The following VPS4A variants were observed in gnomAD, a reference collection of about 807,000 sequenced individuals.
The protein encoded by VPS4A is vacuolar protein sorting-associated protein 4A.
In VPS4A, 20 loss-of-function variants were observed where a neutral mutation model predicts 52.3. That is an observed-to-expected ratio of 0.38 (90% CI 0.27 to 0.56). The LOEUF is 0.56. VPS4A is among the 20% of genes least tolerant of loss of function. The probability of loss-of-function intolerance (pLI) is 0.72; values close to 1 mark genes in which losing one functional copy is unlikely to be tolerated. For synonymous variants in VPS4A, 293 were observed against 227.7 expected (o/e 1.29, Z -2.58); for missense variants, 419 against 575.9 (o/e 0.73, Z 2.79).
chr16:69,323,942 T>TC (rs754513053), intron 10 of VPS4A, among the ~76,000 whole-genome samples: 2 of 50,850 alleles, frequency 3.9e-5, no homozygotes, highest in Non-Finnish European at 7.2e-5. Context: ...AGACTCCGTC[T>TC]CCAAAAAAAA....
chr16:69,324,067 C>A, intron 10 of VPS4A, 141 bp from the exon 11 acceptor site: 1 of 732,156 alleles, frequency 1.4e-6, no homozygotes, highest in Non-Finnish European at 2.2e-6. Flanking sequence ...GGGTCCCTGC[C>A]ATAGGCAGAT....
chr16:69,318,560 G>A, intron 3 of VPS4A, 90 bp from the exon 4 acceptor site: 3 of 1,407,478 alleles, frequency 2.1e-6, no homozygotes, highest in South Asian at 2.5e-5. Flanking sequence ...TCCTTAACCA[G>A]TGTGCAGGCA....
intron 1 of VPS4A, among the ~76,000 whole-genome samples, chr16:69,312,692 A>G (rs757430753): frequency 1.3e-5 from 2 of 151,874 alleles, no homozygotes; most frequent in Non-Finnish European, 2.9e-5. Flanking sequence ...GGCTCACTGC[A>G]GCCTCTGCCT....
At position 69,318,912 on chromosome 16, in the gene VPS4A, T is replaced by C. The variant is rs1176017620; in HGVS notation, c.433T>C (p.Leu145=). 6.2e-7 allele frequency: 1 copy of C among 1,613,580 alleles called. No homozygotes were observed. The highest frequency in any genetic ancestry group is 1.3e-5 in the African/African-American group (1 of 74,904). Residue 145 remains leucine, a synonymous_variant, in exon 5 of 11, where the codon TTG becomes CTG. Transcript: ENST00000254950. ...GGAGGCCCTCAAAGAAGCTGTCATT[T>C]TGCCAATCAAATTCCCACACTTGTT... The part of the protein sequence containing the change: ...AKEALKEAVI[L]PIKFPHLFTG...
Position 69,319,562 on chromosome 16 carries a change from C to T in VPS4A, c.620+19C>T. 6.2e-7 allele frequency: 1 copy of T among 1,602,868 alleles called. No homozygotes were observed. Among genetic ancestry groups the T allele is most frequent in the Middle Eastern group, 1.7e-4 (1 of 6,044 alleles). On this transcript the variant is annotated intron_variant, in intron 6 of 10. Coordinates refer to ENST00000254950, the MANE Select transcript of VPS4A (RefSeq NM_013245.3). ...GTGAAAAGTAAGTCGGCCACCAGGC[C>T]ATGCTCTGCCAGCAGCCCCGGCACT... is the stretch of plus-strand genomic sequence containing the variant.
intron 1 of VPS4A, among the ~76,000 whole-genome samples, chr16:69,312,753 C>T (rs1479053951): frequency 6.6e-6 from 1 of 151,896 alleles, no homozygotes; most frequent in Non-Finnish European, 1.5e-5. Flanking sequence ...GCTGGGATTA[C>T]GGGCACCCGC....
Position 69,326,568 on chromosome 16 carries a change from C to A in VPS4A, c.*2259C>A, listed in dbSNP as rs1400409315. The A allele has an allele frequency of 6.6e-6, 1 of 152,238 alleles. No individual in the cohort carries two copies. The highest frequency in any genetic ancestry group is 1.5e-5 in the Non-Finnish European group (1 of 68,052). The allele number at this position is 152,238 out of a possible 1,614,324, so 9.4% of individuals were successfully genotyped here. A position where few individuals can be genotyped will look rare whatever the true frequency, so the allele number is the denominator to read the frequency against. On this transcript the variant is annotated 3_prime_UTR_variant, in exon 11 of 11. Transcript: ENST00000254950. ...AGCATGGCTATGGTCCATCCCTGTG[C>A]TCTAGTTAGAGCGTGAAGACACCTG...
chr16:69,319,310 A>G (rs1965480887), intron 5 of VPS4A, 77 bp from the exon 6 acceptor site: 3 of 1,574,412 alleles, frequency 1.9e-6, no homozygotes, highest in Admixed American at 1.8e-5. Flanking sequence ...TACTGTATGT[A>G]TGGGACTCGA....
At chr16:69,318,599 C>T in intron 3 of VPS4A, 51 bp from the exon 4 acceptor site, 1 of 1,563,058 alleles carries the variant, frequency 6.4e-7, no homozygotes, top group Non-Finnish European at 8.7e-7. Flanking sequence ...GGGAGCACCT[C>T]TGTGCTCCAG....
chr16:69,315,984 G>A, intron 1 of VPS4A, 24 bp from the exon 2 acceptor site: 1 of 1,607,618 alleles, frequency 6.2e-7, no homozygotes, highest in Non-Finnish European at 8.5e-7. Context: ...AGGAAGCACT[G>A]AGCCATTTGC....
Position 69,318,643 on chromosome 16 carries a change from T to G in VPS4A, c.282-7T>G. 2 of 1,605,310 alleles carry G rather than the reference T, an allele frequency of 1.2e-6. No individual in the cohort carries two copies. Among genetic ancestry groups the G allele is most frequent in the Non-Finnish European group, 1.7e-6 (2 of 1,175,824 alleles). ...GCCAGCTTGTGACTTTCCGTCTCCC[T>G]TCCCAGCAGTGACAGTGACAGTGAA... On this transcript the variant is annotated splice_region_variant and splice_polypyrimidine_tract_variant and intron_variant, in intron 3 of 10. Transcript: ENST00000254950.
intron 1 of VPS4A, 113 bp from the exon 2 acceptor site, chr16:69,315,895 A>G (rs1265288992): frequency 2.3e-6 from 2 of 860,550 alleles, no homozygotes; most frequent in Non-Finnish European, 3.6e-6. Context: ...CCCGCAAGCA[A>G]TAAATCCACA....
rs558457537 is a variant in VPS4A, at chr16:69,318,338, G to C, written c.282-312G>C. ...AGGTGTGAGTCACCGCACCTGGCCT[G>C]GGCTGCTCTTTAAGTCCAGCTGAAG... On this transcript the variant is annotated intron_variant, in intron 3 of 10. Transcript: ENST00000254950. Among the ~76,000 whole-genome samples the C allele has an allele frequency of 5.3e-5, 8 of 152,298 alleles. No homozygotes were observed. The South Asian group carries it at 1.2e-3, about 24-fold the overall frequency.
rs62055857 is a variant in VPS4A at position 69,320,882 on chromosome 16, C to T, written c.851+113C>T. ...TGGCCCCTTTTCCCTGGAGTCTTCC[C>T]GTCTGCCTGCCAAGCAGAGCCCTTT... On this transcript the variant is annotated intron_variant, in intron 8 of 10. Coordinates refer to ENST00000254950, the MANE Select transcript of VPS4A (RefSeq NM_013245.3). The surrounding 1 kb of genome is among the most constrained non-coding windows in gnomAD (Gnocchi z 4.2). 6.8e-5 allele frequency: 86 copies of T among 1,265,862 alleles called. No homozygotes were observed. The highest frequency in any genetic ancestry group is 8.9e-5 in the Non-Finnish European group (80 of 902,358). The allele number at this position is 1,265,862 out of a possible 1,614,324, so 78.4% of individuals were successfully genotyped here.
At chr16:69,316,699 G>A (rs759590383) in intron 3 of VPS4A, among the ~76,000 whole-genome samples, 7 of 152,202 alleles carry the variant, frequency 4.6e-5, no homozygotes, top group Non-Finnish European at 1.0e-4. Context: ...TGGGGAGGTC[G>A]TGGAACTCAC....
At chr16:69,312,645 C>T (rs1965390454) in intron 1 of VPS4A, among the ~76,000 whole-genome samples, 1 of 152,130 alleles carries the variant, frequency 6.6e-6, no homozygotes, top group East Asian at 1.9e-4. Context: ...TGGAGTCTCA[C>T]TCTGTCACCC....
At chr16:69,315,543 G>T (rs182346907) in intron 1 of VPS4A, among the ~76,000 whole-genome samples, 1 of 152,208 alleles carries the variant, frequency 6.6e-6, no homozygotes, top group Admixed American at 6.5e-5. Flanking sequence ...CTTGCAGTCC[G>T]GGCAGGACTT....
intron 3 of VPS4A, among the ~76,000 whole-genome samples, chr16:69,318,072 A>G (rs1448371512): frequency 2.1e-5 from 3 of 141,932 alleles, no homozygotes; most frequent in Non-Finnish European, 4.5e-5. Flanking sequence ...CAGTGGTGCG[A>G]TCTTGGTTAA....
intron 10 of VPS4A, 122 bp downstream of exon 10, chr16:69,322,822 C>T: frequency 1.5e-6 from 2 of 1,312,300 alleles, no homozygotes; most frequent in Non-Finnish European, 2.0e-6. Context: ...GTAATCCCAG[C>T]ACTTTGGGAG....
Sources: allele counts gnomAD v4.1 joint callset (sites outside exome capture counted in the v4.1 genomes callset), GRCh38; gene constraint gnomAD v4.1.1; non-coding constraint Gnocchi (gnomAD v3.1); transcripts MANE v1.5; gene names NCBI Gene and HGNC (gene_info 2026-07-23, HGNC 2026-07-21).